The following RPN1 variants were observed in gnomAD, a reference collection of about 807,000 sequenced individuals.
RPN1 encodes the protein dolichyl-diphosphooligosaccharide--protein glycosyltransferase subunit 1.
RPN1 carries 12 observed loss-of-function variants against 55.5 expected under a neutral mutation model. The ratio of observed to expected loss-of-function variants is 0.22; its 90% CI spans 0.14 to 0.35. The LOEUF (loss-of-function observed/expected upper bound fraction) is 0.35. Among genes scored for constraint, RPN1 ranks in the 10% least tolerant of loss-of-function variants. The pLI, the probability that RPN1 is intolerant of heterozygous loss-of-function variation, is 1.00. For synonymous variants in RPN1, 317 were observed against 305.9 expected, an observed-to-expected ratio of 1.04 and a Z score of -0.38; for missense variants, 679 against 761.3, an observed-to-expected ratio of 0.89 and a Z score of 1.27.
chr3:128,648,037 T>A (rs762601264), intron 1 of RPN1, among the ~76,000 whole-genome samples: 6 of 152,122 alleles, frequency 3.9e-5, no homozygotes, highest in Non-Finnish European at 5.9e-5. Flanking sequence ...GGCAGGTAGA[T>A]CACCTGAGGT....
At chr3:128,639,224 G>C (rs1444287655) in intron 2 of RPN1, among the ~76,000 whole-genome samples, 1 of 152,160 alleles carries the variant, frequency 6.6e-6, no homozygotes, top group South Asian at 2.1e-4. Flanking sequence ...AGACCGAGAT[G>C]GGTGGATCAC....
intron 5 of RPN1, 106 bp downstream of exon 5, chr3:128,629,845 A>T: frequency 1.6e-6 from 1 of 638,018 alleles, no homozygotes; most frequent in Non-Finnish European, 2.7e-6. Context: ...AGCCTTCCTC[A>T]GAATGACAAA....
At position 128,622,215 on chromosome 3, in the gene RPN1, A is replaced by G; in HGVS notation, c.1590T>C (p.Ile530=). 2 of 1,614,074 alleles carry G rather than the reference A, an allele frequency of 1.2e-6. No homozygotes were observed. The highest frequency in any genetic ancestry group is 1.7e-6 in the Non-Finnish European group (2 of 1,179,888). The change falls in exon 9 of 10, where the codon ATT becomes ATC. Residue 530 remains isoleucine, a synonymous_variant. Transcript: ENST00000296255. ...ETEHKALTSE[I]ALLQSRLKTE... The stretch of plus-strand genomic sequence containing the variant: ...TCTTCAGCCTGGACTGCAGCAGTGC[A>G]ATCTCACTGGTCAAGGCCTTGTGTT...
intron 5 of RPN1, 175 bp from the exon 6 acceptor site, chr3:128,627,007 A>G (rs1328907776): frequency 5.0e-6 from 3 of 594,744 alleles, no homozygotes; most frequent in East Asian, 2.8e-5. Flanking sequence ...ACCCCACAAC[A>G]CAGAGACAGG....
intron 1 of RPN1, among the ~76,000 whole-genome samples, chr3:128,648,935 A>G (rs2069791316): frequency 1.3e-5 from 2 of 152,212 alleles, no homozygotes; most frequent in African/African-American, 4.8e-5. Flanking sequence ...ACTTAACCTG[A>G]CAGACTACAG....
chr3:128,641,308 A>AT lies in RPN1; in HGVS notation c.327-3204dup, dbSNP rs1414713890. The stretch of plus-strand genomic sequence containing the variant: ...ATAAAATGGTAAGCTATGAAAAAAA[A>AT]TTTTTTAATGTTCCCAACTGTGGGC... On this transcript the variant is annotated intron_variant, in intron 2 of 9. Coordinates refer to ENST00000296255, the MANE Select transcript of RPN1 (RefSeq NM_002950.4). Among the ~76,000 whole-genome samples, 12 of 152,130 alleles carry AT rather than the reference A, an allele frequency of 7.9e-5. 1 individual carries two copies. Among genetic ancestry groups the AT allele is most frequent in the Admixed American group, 7.9e-4 (12 of 15,250 alleles).
At chr3:128,649,443 T>TA (rs1338364959) in intron 1 of RPN1, among the ~76,000 whole-genome samples, 1 of 152,154 alleles carries the variant, frequency 6.6e-6, no homozygotes, top group Non-Finnish European at 1.5e-5. Flanking sequence ...CCACAAGCCT[T>TA]TGAGTAAAAC....
chr3:128,626,992 A>G, intron 5 of RPN1, 160 bp from the exon 6 acceptor site: 1 of 628,430 alleles, frequency 1.6e-6, no homozygotes, highest in South Asian at 1.8e-5. Context: ...AAGTATCTCT[A>G]CTGAACCCCA....
chr3:128,647,846 G>C (rs1316524923), intron 1 of RPN1, among the ~76,000 whole-genome samples: 1 of 152,118 alleles, frequency 6.6e-6, no homozygotes, highest in Non-Finnish European at 1.5e-5. Flanking sequence ...GGATCCAAAA[G>C]AGAGGAAAAA....
intron 1 of RPN1, among the ~76,000 whole-genome samples, chr3:128,648,816 T>A (rs1249804221): frequency 6.6e-6 from 1 of 152,122 alleles, no homozygotes; most frequent in Non-Finnish European, 1.5e-5. Context: ...CTCACAGCCA[T>A]AAAAGCCAGA....
chr3:128,643,399 C>T (rs2069742739), intron 2 of RPN1, among the ~76,000 whole-genome samples: 1 of 151,714 alleles, frequency 6.6e-6, no homozygotes, highest in African/African-American at 2.4e-5. Context: ...AGTGGTGGCT[C>T]ACACCTGTAA....
Position 128,637,862 on chromosome 3 carries a change from G to C in RPN1, c.570C>G (p.Asn190Lys). The C allele has an allele frequency of 6.2e-7, 1 of 1,614,078 alleles. No individual in the cohort carries two copies. The highest frequency in any genetic ancestry group is 8.5e-7 in the Non-Finnish European group (1 of 1,180,034). Residue 190 changes from asparagine (N) to lysine (K), a missense_variant, in exon 3 of 10, where the codon AAC (asparagine) becomes AAG (lysine). Transcript: ENST00000296255. ...CCAGTAGGTCCTCAGAGCGCGTGGG[G>C]TTCCCCAGCTTGGTGTAGCTCTCCA... ...RNVESYTKLGNPTRSEDLLDY... is the reference protein window; with the variant it reads ...RNVESYTKLGKPTRSEDLLDY...
At chr3:128,638,157 C>G in intron 2 of RPN1, 52 bp from the exon 3 acceptor site, 1 of 1,356,672 alleles carries the variant, frequency 7.4e-7, no homozygotes, top group Non-Finnish European at 1.0e-6. Context: ...ATACTGAAAA[C>G]AGTAGTAGCA....
intron 2 of RPN1, among the ~76,000 whole-genome samples, chr3:128,641,609 C>CTTT (rs200507415): frequency 4.2e-5 from 5 of 120,394 alleles, no homozygotes; most frequent in African/African-American, 9.5e-5. Context: ...TTTAGTGAAT[C>CTTT]TTTTTTTTTT....
In RPN1 at chr3:128,650,688, C is replaced by A. The variant is rs866036473; in HGVS notation, c.113G>T (p.Arg38Leu). ...APPLINEDVKRTVDLSSHLAK... is the reference protein window; with the variant it reads ...APPLINEDVKLTVDLSSHLAK... ...CAGGTGGCTGCTTAGGTCCACTGTG[C>A]GCTTCACGTCCTCATTGATCAGCGG... The change falls in exon 1 of 10, where the codon CGC becomes CTC. Residue 38 changes from arginine (R) to leucine (L), a missense_variant. This residue lies in a region of RPN1 where 352 missense variants were observed against 352.8 expected (regional missense o/e 1.00). Coordinates refer to ENST00000296255, the MANE Select transcript of RPN1 (RefSeq NM_002950.4). 1 of 1,572,008 alleles carries A rather than the reference C, an allele frequency of 6.4e-7. No individual in the cohort carries two copies. Among genetic ancestry groups the A allele is most frequent in the Admixed American group, 1.9e-5 (1 of 53,648 alleles).
At chr3:128,641,378 C>T (rs2069723600) in intron 2 of RPN1, among the ~76,000 whole-genome samples, 1 of 152,058 alleles carries the variant, frequency 6.6e-6, no homozygotes, top group Non-Finnish European at 1.5e-5. Flanking sequence ...CAGAGCAGTC[C>T]TTAAACTGAA....
intron 5 of RPN1, 34 bp from the exon 6 acceptor site, chr3:128,626,866 G>A (rs765568364): frequency 6.3e-6 from 10 of 1,586,082 alleles, no homozygotes; most frequent in African/African-American, 2.7e-5. Context: ...CAATGATGTG[G>A]AAAACGGATC....
intron 4 of RPN1, among the ~76,000 whole-genome samples, chr3:128,630,691 G>A (rs1330709226): frequency 1.3e-5 from 2 of 152,072 alleles, no homozygotes; most frequent in Non-Finnish European, 1.5e-5. Context: ...AACTGTATAT[G>A]CAATATGATA....
chr3:128,629,310 T>C (rs562392396), intron 5 of RPN1, among the ~76,000 whole-genome samples: 2 of 152,132 alleles, frequency 1.3e-5, no homozygotes, highest in South Asian at 4.1e-4. Flanking sequence ...CCTATAATCC[T>C]AGCACTTTGG....
Sources: allele counts gnomAD v4.1 joint callset (sites outside exome capture counted in the v4.1 genomes callset), GRCh38; gene constraint gnomAD v4.1.1; regional missense constraint gnomAD v4.1.1; transcripts MANE v1.5; gene names NCBI Gene and HGNC (gene_info 2026-07-23, HGNC 2026-07-21).